Variants in MEIS2 observed in about 807,000 individuals in gnomAD.
MEIS2 encodes the protein homeobox protein Meis2.
In MEIS2, 9 loss-of-function variants were observed where a neutral mutation model predicts 58.6. That is an observed-to-expected ratio of 0.15 (90% CI 0.09 to 0.27). The LOEUF is 0.27. Ranked by LOEUF, MEIS2 falls within the 10% of genes least tolerant of loss-of-function variation. MEIS2 has a pLI of 1.00. For synonymous variants in MEIS2, 221 were observed against 228.4 expected, an observed-to-expected ratio of 0.97 and a Z score of 0.29; for missense variants, 427 against 635.0, an observed-to-expected ratio of 0.67 and a Z score of 3.52.
At chr15:37,081,348 T>A (rs1043876665) in intron 7 of MEIS2, among the ~76,000 whole-genome samples, 12 of 152,336 alleles carry the variant, frequency 7.9e-5, no homozygotes, top group African/African-American at 2.9e-4. Flanking sequence ...ACGTTTTCCA[T>A]TATACATCAA....
At chr15:36,987,460 C>T (rs1025323905) in intron 8 of MEIS2, among the ~76,000 whole-genome samples, 1 of 146,548 alleles carries the variant, frequency 6.8e-6, no homozygotes, top group African/African-American at 2.5e-5. Flanking sequence ...ACTTCTAAAA[C>T]TTAGAAATTT....
At chr15:37,075,657 T>C (rs777160101) in intron 7 of MEIS2, among the ~76,000 whole-genome samples, 1 of 152,076 alleles carries the variant, frequency 6.6e-6, no homozygotes, top group Non-Finnish European at 1.5e-5. Flanking sequence ...AGTGATAATC[T>C]GCACCTTGGA....
chr15:37,026,228 A>G (rs976149157), intron 8 of MEIS2, among the ~76,000 whole-genome samples: 1 of 152,186 alleles, frequency 6.6e-6, no homozygotes, highest in Non-Finnish European at 1.5e-5. Context: ...TCTAGCATTC[A>G]TCTTTTCTAT....
chr15:36,921,424 G>A (rs183057019), intron 9 of MEIS2, among the ~76,000 whole-genome samples: 55 of 152,280 alleles, frequency 3.6e-4, no homozygotes, highest in African/African-American at 7.2e-5. Flanking sequence ...TCCTGATACC[G>A]TATGCTATTT....
chr15:37,049,573 G>A (rs776864099), intron 7 of MEIS2, among the ~76,000 whole-genome samples: 3 of 151,654 alleles, frequency 2.0e-5, no homozygotes, highest in East Asian at 3.9e-4. Flanking sequence ...TGCAACCTCC[G>A]CCTCTTGGGT....
intron 8 of MEIS2, among the ~76,000 whole-genome samples, chr15:37,015,799 G>A (rs1423130088): frequency 6.6e-6 from 1 of 152,108 alleles, no homozygotes; most frequent in Non-Finnish European, 1.5e-5. Context: ...GAATTTTGCA[G>A]CTTCACGAGG....
intron 8 of MEIS2, among the ~76,000 whole-genome samples, chr15:36,971,414 A>C (rs1465715687): frequency 6.6e-6 from 1 of 151,800 alleles, no homozygotes; most frequent in African/African-American, 2.4e-5. Flanking sequence ...TAGATTGCCT[A>C]TATGCCAAAG....
At chr15:37,005,780 A>G (rs752422205) in intron 8 of MEIS2, among the ~76,000 whole-genome samples, 16 of 152,226 alleles carry the variant, frequency 1.1e-4, no homozygotes, top group Non-Finnish European at 2.4e-4. Context: ...GCTGGTCTCA[A>G]ACTTCTGAGC....
At chr15:36,948,587 A>G (rs1243680608) in intron 9 of MEIS2, among the ~76,000 whole-genome samples, 1 of 151,988 alleles carries the variant, frequency 6.6e-6, no homozygotes, top group Non-Finnish European at 1.5e-5. Context: ...TACAAAAATT[A>G]TGATTCTAAA....
intron 8 of MEIS2, among the ~76,000 whole-genome samples, chr15:36,960,833 A>G (rs2059155154): frequency 6.6e-6 from 1 of 152,160 alleles, no homozygotes; most frequent in East Asian, 1.9e-4. Flanking sequence ...ACAAAATATG[A>G]CAAAGTAAAA....
At chr15:36,933,275 G>T (rs991328891) in intron 9 of MEIS2, among the ~76,000 whole-genome samples, 4 of 152,080 alleles carry the variant, frequency 2.6e-5, no homozygotes, top group Non-Finnish European at 4.4e-5. Context: ...AGGGTCTGTG[G>T]TCTAAGAAAA....
rs568957774 is a variant in MEIS2, at chr15:37,099,375, T to C, written c.12+80A>G. The C allele has an allele frequency of 4.4e-6, 7 of 1,591,298 alleles. No homozygotes were observed. The East Asian group carries it at 6.7e-5, about 15-fold the overall frequency. The stretch of plus-strand genomic sequence containing the variant: ...AAGCAGCGAGCAGCAGCAGAAGCGT[T>C]GAAGGGAGAGGAGGCATCGGGACAG... On this transcript the variant is annotated intron_variant, in intron 1 of 11. Coordinates refer to ENST00000561208, the MANE Select transcript of MEIS2 (RefSeq NM_170675.5).
At chr15:36,991,794 T>TC (rs2060296903) in intron 8 of MEIS2, among the ~76,000 whole-genome samples, 1 of 126,564 alleles carries the variant, frequency 7.9e-6, no homozygotes, top group Non-Finnish European at 1.7e-5. Context: ...TTTTTTTTTT[T>TC]TTTTTTTTTT....
At chr15:36,988,541 G>A (rs1026343507) in intron 8 of MEIS2, among the ~76,000 whole-genome samples, 9 of 152,192 alleles carry the variant, frequency 5.9e-5, no homozygotes, top group Non-Finnish European at 1.3e-4. Flanking sequence ...ATAGATAACA[G>A]TCCTGAGGAA....
At chr15:36,895,108 G>T in intron 11 of MEIS2, 43 bp downstream of exon 11, 1 of 1,510,024 alleles carries the variant, frequency 6.6e-7, no homozygotes, top group Non-Finnish European at 9.2e-7. Flanking sequence ...TGGAGCAGGT[G>T]GCACTTCCCA....
At chr15:36,939,600 C>T (rs1315491479) in intron 9 of MEIS2, among the ~76,000 whole-genome samples, 1 of 151,622 alleles carries the variant, frequency 6.6e-6, no homozygotes, top group African/African-American at 2.4e-5. Flanking sequence ...AAAATCATAC[C>T]ATCTCCATGA....
intron 8 of MEIS2, among the ~76,000 whole-genome samples, chr15:36,956,118 C>T: frequency 6.9e-6 from 1 of 144,970 alleles, no homozygotes; most frequent in East Asian, 2.0e-4. Flanking sequence ...ATGGCGTGAA[C>T]CCGGGAGGCG....
intron 7 of MEIS2, among the ~76,000 whole-genome samples, chr15:37,045,577 T>A (rs1284812737): frequency 6.6e-6 from 1 of 152,094 alleles, no homozygotes; most frequent in Non-Finnish European, 1.5e-5. Flanking sequence ...CAAAGTAAAT[T>A]TTTTCCTACA....
At chr15:36,895,076 G>A (rs1166150934) in intron 11 of MEIS2, 75 bp downstream of exon 11, 2 of 1,250,152 alleles carry the variant, frequency 1.6e-6, no homozygotes, top group Non-Finnish European at 2.3e-6. Flanking sequence ...CAGTGGGATA[G>A]TAGAGTGGAT....
Sources: gnomAD v4.1 joint callset for allele counts (sites outside exome capture counted in the v4.1 genomes callset) on GRCh38, gnomAD v4.1.1 for gene constraint, MANE v1.5 for transcripts, NCBI Gene and HGNC (gene_info 2026-07-23, HGNC 2026-07-21) for gene names.